The following SLCO6A1 variants were observed in gnomAD, a reference collection of about 807,000 sequenced individuals.
SLCO6A1 encodes cancer/testis antigen 48.
In SLCO6A1, 65 loss-of-function variants were observed where a neutral mutation model predicts 72.7. The ratio of observed to expected loss-of-function variants is 0.89; its 90% CI spans 0.73 to 1.10. The LOEUF (loss-of-function observed/expected upper bound fraction) is 1.10. SLCO6A1 is among the 50% of genes least tolerant of loss of function. SLCO6A1 has a pLI of 0.00. For synonymous variants in SLCO6A1, 314 were observed against 298.2 expected, an observed-to-expected ratio of 1.05 and a Z score of -0.55; for missense variants, 874 against 872.6, an observed-to-expected ratio of 1.00 and a Z score of -0.02.
In SLCO6A1 at chr5:102,419,921, C is replaced by A; in HGVS notation, c.1377G>T (p.Met459Ile). The change falls in exon 8 of 14, where the codon ATG (methionine) becomes ATT (isoleucine). Residue 459 changes from methionine to isoleucine, a missense_variant. Coordinates refer to ENST00000506729, the MANE Select transcript of SLCO6A1 (RefSeq NM_173488.5). ...MSCKALMRFI[M>I]VTSVISLILL... ...GTATAAGTGATATCACAGATGTAAC[C>A]ATTATAAATCTCATAAGGGCTTTAC... 6.2e-7 allele frequency: 1 copy of A among 1,607,230 alleles called. No individual in the cohort carries two copies. The highest frequency in any genetic ancestry group is 8.5e-7 in the Non-Finnish European group (1 of 1,177,586).
intron 12 of SLCO6A1, among the ~76,000 whole-genome samples, chr5:102,379,344 C>G (rs527641626): frequency 4.6e-5 from 7 of 152,052 alleles, no homozygotes; most frequent in Admixed American, 1.3e-4. Flanking sequence ...TATGTTCTTC[C>G]TACTCCAAGG....
rs550414429 is a variant in SLCO6A1 at position 102,432,324 on chromosome 5, T to C, written c.1276+6293A>G. On this transcript the variant is annotated intron_variant, in intron 7 of 13. Transcript: ENST00000506729. ...CTGACTTGTTTGTGTGATTGCTTTA[T>C]AGTGTCAATGGTTTGCATACTTAAG... Among the ~76,000 whole-genome samples the C allele has an allele frequency of 5.4e-3, 830 of 152,314 alleles. 3 individuals carry two copies. The highest frequency in any genetic ancestry group is 8.9e-3 in the Non-Finnish European group (603 of 68,020).
chr5:102,448,803 A>G (rs1293535151), intron 6 of SLCO6A1, among the ~76,000 whole-genome samples: 1 of 152,060 alleles, frequency 6.6e-6, no homozygotes, highest in African/African-American at 2.4e-5. Flanking sequence ...GCATACAGTT[A>G]GGTCTTGCTT....
chr5:102,390,586 C>G (rs1033524984), intron 11 of SLCO6A1, among the ~76,000 whole-genome samples: 1 of 151,844 alleles, frequency 6.6e-6, no homozygotes, highest in African/African-American at 2.4e-5. Context: ...TCTTTGAAAA[C>G]ATTAGATTCA....
intron 13 of SLCO6A1, among the ~76,000 whole-genome samples, chr5:102,372,992 A>G (rs1216857285): frequency 1.3e-5 from 2 of 151,912 alleles, no homozygotes; most frequent in Non-Finnish European, 2.9e-5. Flanking sequence ...GCCCAAATCA[A>G]AAGTACTAAG....
At chr5:102,466,425 A>G (rs1286079036) in intron 4 of SLCO6A1, among the ~76,000 whole-genome samples, 1 of 152,074 alleles carries the variant, frequency 6.6e-6, no homozygotes, top group Admixed American at 6.6e-5. Flanking sequence ...CCAGTCTATC[A>G]TTGATGGGCA....
At chr5:102,420,257 A>G (rs370873602) in intron 7 of SLCO6A1, among the ~76,000 whole-genome samples, 1 of 152,200 alleles carries the variant, frequency 6.6e-6, no homozygotes, top group Non-Finnish European at 1.5e-5. Flanking sequence ...GTGATGGTGA[A>G]GTTTTGGTCC....
chr5:102,482,751 G>T (rs1177079694), intron 1 of SLCO6A1, among the ~76,000 whole-genome samples: 1 of 152,114 alleles, frequency 6.6e-6, no homozygotes, highest in African/African-American at 2.4e-5. Context: ...TGCTTTATAT[G>T]GCATTCATTA....
chr5:102,402,479 T>C (rs1747453168), intron 9 of SLCO6A1, among the ~76,000 whole-genome samples: 4 of 152,290 alleles, frequency 2.6e-5, no homozygotes, highest in Admixed American at 1.3e-4. Flanking sequence ...CTAATGAGTG[T>C]CTTAGCTCAC....
intron 6 of SLCO6A1, among the ~76,000 whole-genome samples, chr5:102,445,452 T>A (rs988428835): frequency 5.3e-5 from 8 of 152,204 alleles, no homozygotes; most frequent in African/African-American, 1.9e-4. Context: ...TTTTGCTTGC[T>A]GATTTGTTTG....
At position 102,424,153 on chromosome 5, in the gene SLCO6A1, C is replaced by T. The variant is rs369066567; in HGVS notation, c.1277-4132G>A. Among the ~76,000 whole-genome samples, 15 of 152,174 alleles carry T rather than the reference C, an allele frequency of 9.9e-5. No homozygotes were observed. In the East Asian group the frequency reaches 2.5e-3, roughly 25 times the overall value. On this transcript the variant is annotated intron_variant, in intron 7 of 13. Coordinates refer to ENST00000506729, the MANE Select transcript of SLCO6A1 (RefSeq NM_173488.5). ...AGAGGAAAATTTATAGCACTAAATG[C>T]CCACAGGAGAAAGCAGGAAAGATCT...
intron 11 of SLCO6A1, 67 bp from the exon 12 acceptor site, chr5:102,388,892 C>T (rs1430220261): frequency 2.2e-6 from 3 of 1,379,810 alleles, no homozygotes; most frequent in Non-Finnish European, 3.0e-6. Flanking sequence ...GTAATGCACA[C>T]ACAGATAATA....
In SLCO6A1 at chr5:102,386,371, C is replaced by A. The variant is rs564008579; in HGVS notation, c.2017+2317G>T. 1.9e-3 allele frequency among the ~76,000 whole-genome samples: 289 copies of A among 152,248 alleles called. 3 individuals carry two copies. The highest frequency in any genetic ancestry group is 6.7e-3 in the African/African-American group (279 of 41,564). ...AGATGGTGCTGGGGCAGGCCTTGAG[C>A]ACTTTTGGGGTGGGCCTTGTTTCTG... On this transcript the variant is annotated intron_variant, in intron 12 of 13. Coordinates refer to ENST00000506729, the MANE Select transcript of SLCO6A1 (RefSeq NM_173488.5).
intron 8 of SLCO6A1, among the ~76,000 whole-genome samples, chr5:102,413,448 G>C (rs1333697802): frequency 1.3e-5 from 2 of 151,152 alleles, no homozygotes; most frequent in Non-Finnish European, 2.9e-5. Context: ...GTGCCCCTTG[G>C]TAATTTCCCC....
chr5:102,449,049 G>T (rs1474081222), intron 6 of SLCO6A1, among the ~76,000 whole-genome samples: 2 of 152,116 alleles, frequency 1.3e-5, no homozygotes, highest in African/African-American at 4.8e-5. Context: ...TTCTTATAAG[G>T]CAGGCTCGGT....
chr5:102,393,831 G>C (rs1420859045), intron 10 of SLCO6A1, among the ~76,000 whole-genome samples: 1 of 152,138 alleles, frequency 6.6e-6, no homozygotes, highest in African/African-American at 2.4e-5. Context: ...TGAAGAACTA[G>C]TTTTCTAAAT....
chr5:102,415,567 T>C (rs1167102655), intron 8 of SLCO6A1, among the ~76,000 whole-genome samples: 1 of 152,058 alleles, frequency 6.6e-6, no homozygotes, highest in East Asian at 1.9e-4. Flanking sequence ...TCAACATGGA[T>C]TAAAGACTTA....
At chr5:102,450,246 T>C (rs903995574) in intron 6 of SLCO6A1, among the ~76,000 whole-genome samples, 1 of 152,194 alleles carries the variant, frequency 6.6e-6, no homozygotes, top group Non-Finnish European at 1.5e-5. Flanking sequence ...TTCTTACTCA[T>C]GTGTGTGGGC....
intron 12 of SLCO6A1, among the ~76,000 whole-genome samples, chr5:102,376,605 C>A (rs1367503861): frequency 1.3e-5 from 2 of 152,006 alleles, no homozygotes. Flanking sequence ...ATTTTAGCAT[C>A]CCTCAAGTCA....
Sources: allele counts gnomAD v4.1 joint callset (sites outside exome capture counted in the v4.1 genomes callset), GRCh38; gene constraint gnomAD v4.1.1; transcripts MANE v1.5; gene names NCBI Gene and HGNC (gene_info 2026-07-23, HGNC 2026-07-21).